The following SH3D19 variants were observed in gnomAD, a reference collection of about 807,000 sequenced individuals.
SH3D19 encodes the protein SH3 domain containing 19, also known as SH3 domain-containing protein 19.
A neutral mutation model predicts 112.1 loss-of-function variants in SH3D19; 58 were observed. The ratio of observed to expected loss-of-function variants is 0.52; its 90% CI spans 0.42 to 0.64. The LOEUF (loss-of-function observed/expected upper bound fraction) is 0.64, where lower values mean the gene tolerates loss of function less well. Ranked by LOEUF, SH3D19 falls within the 30% of genes least tolerant of loss-of-function variation. The pLI, the probability that SH3D19 is intolerant of heterozygous loss-of-function variation, is 0.00. For missense variants in SH3D19, 1,090 were observed against 1,263.4 expected, an observed-to-expected ratio of 0.86 and a Z score of 2.08; for synonymous variants, 391 against 448.5, an observed-to-expected ratio of 0.87 and a Z score of 1.62.
intron 1 of SH3D19, among the ~76,000 whole-genome samples, chr4:151,275,248 G>A (rs1016001766): frequency 3.3e-5 from 5 of 151,680 alleles, no homozygotes; most frequent in South Asian, 2.1e-4. Context: ...CACTACACCC[G>A]GCTAATTTTT....
chr4:151,206,449 C>T (rs927914120), intron 2 of SH3D19, among the ~76,000 whole-genome samples: 4 of 152,140 alleles, frequency 2.6e-5, no homozygotes, highest in Non-Finnish European at 4.4e-5. Flanking sequence ...CTTCATACAA[C>T]ATATTATATG....
chr4:151,161,619 CATATAT>C (rs1002579947), intron 8 of SH3D19, among the ~76,000 whole-genome samples: 2 of 144,448 alleles, frequency 1.4e-5, no homozygotes, highest in South Asian at 4.4e-4. Flanking sequence ...GTCTTTTATA[CATATAT>C]ATATATATAT....
At chr4:151,200,749 T>G (rs1764275365) in intron 2 of SH3D19, among the ~76,000 whole-genome samples, 1 of 152,224 alleles carries the variant, frequency 6.6e-6, no homozygotes, top group African/African-American at 2.4e-5. Flanking sequence ...TGAGGAAACA[T>G]TCTTCCAGTT....
chr4:151,265,636 G>T (rs1402195162), intron 1 of SH3D19, among the ~76,000 whole-genome samples: 1 of 143,726 alleles, frequency 7.0e-6, no homozygotes, highest in African/African-American at 2.6e-5. Context: ...GAGTATAGTG[G>T]CACAATCTCA....
intron 1 of SH3D19, among the ~76,000 whole-genome samples, chr4:151,271,474 G>C (rs150480547): frequency 6.6e-6 from 1 of 152,282 alleles, no homozygotes; most frequent in East Asian, 1.9e-4. Context: ...GGGGACATTT[G>C]GCAATGTCTG....
intron 2 of SH3D19, among the ~76,000 whole-genome samples, chr4:151,220,045 G>C (rs550266373): frequency 1.3e-5 from 2 of 152,090 alleles, no homozygotes; most frequent in South Asian, 4.1e-4. Flanking sequence ...TCATTGATCC[G>C]TAATGCTGCC....
chr4:151,128,118 AGG>A, intron 18 of SH3D19, 50 bp downstream of exon 18: 1 of 1,452,572 alleles, frequency 6.9e-7, no homozygotes, highest in Admixed American at 2.3e-5. Context: ...ATAGTTTTGA[AGG>A]TTTCAGGCTC....
At position 151,148,075 on chromosome 4, in the gene SH3D19, A is replaced by G. The variant is rs746461576; in HGVS notation, c.1929T>C (p.Pro643=). ...CCATGTCAGAAGAGGATCGATTAAA[A>G]GGCAGTTTCTTATTAGATCTTCTGG... ...SATRRSNKKL[P]FNRSSSDMDL... is the part of the protein sequence containing the mutation. Residue 643 remains proline, a synonymous_variant, in exon 11 of 20, where the codon CCT becomes CCC. Transcript: ENST00000604030. 52 of 1,614,040 alleles carry G rather than the reference A, an allele frequency of 3.2e-5. No homozygotes were observed. The highest frequency in any genetic ancestry group is 4.3e-5 in the Non-Finnish European group (51 of 1,180,046).
intron 1 of SH3D19, among the ~76,000 whole-genome samples, chr4:151,268,076 G>A (rs761970664): frequency 1.3e-4 from 20 of 152,154 alleles, no homozygotes; most frequent in South Asian, 6.2e-4. Flanking sequence ...TGTGAACATC[G>A]TAGAGTGAAA....
intron 1 of SH3D19, among the ~76,000 whole-genome samples, chr4:151,324,276 A>G (rs533433620): frequency 6.6e-6 from 1 of 152,074 alleles, no homozygotes; most frequent in South Asian, 2.1e-4. Flanking sequence ...TATTTTTCCA[A>G]CTTTCTCTTA....
rs182352010 is a variant in SH3D19 at position 151,190,421 on chromosome 4, G to A, written c.153-2958C>T. Among the ~76,000 whole-genome samples the A allele has an allele frequency of 6.6e-5, 10 of 152,228 alleles. No homozygotes were observed. The East Asian group carries it at 7.7e-4, about 12-fold the overall frequency. ...AGGGCATGTCACAGGTCTTCTTGGCGGCTCCTCCCATCACAGGCCCTGAGA... is the reference window on the plus strand; with the variant it reads ...AGGGCATGTCACAGGTCTTCTTGGCAGCTCCTCCCATCACAGGCCCTGAGA... On this transcript the variant is annotated intron_variant, in intron 2 of 19. Coordinates refer to ENST00000604030, the MANE Select transcript of SH3D19 (RefSeq NM_001378122.1).
intron 1 of SH3D19, among the ~76,000 whole-genome samples, chr4:151,270,532 A>G (rs1035858273): frequency 6.6e-6 from 1 of 152,214 alleles, no homozygotes; most frequent in African/African-American, 2.4e-5. Flanking sequence ...ACTCAGTCTC[A>G]GGTATTTCTT....
intron 1 of SH3D19, among the ~76,000 whole-genome samples, chr4:151,264,912 C>T (rs1172992714): frequency 6.6e-6 from 1 of 151,914 alleles, no homozygotes; most frequent in Non-Finnish European, 1.5e-5. Context: ...CTCTACATTA[C>T]TTGATGAATA....
intron 1 of SH3D19, among the ~76,000 whole-genome samples, chr4:151,236,542 T>C (rs959154948): frequency 1.3e-5 from 2 of 151,886 alleles, no homozygotes; most frequent in African/African-American, 4.8e-5. Flanking sequence ...TAAAGGATTG[T>C]AAACGCACCA....
At position 151,133,144 on chromosome 4, in the gene SH3D19, T is replaced by C. The variant is rs1751089485; in HGVS notation, c.2579A>G (p.Tyr860Cys). 1 of 1,614,180 alleles carries C rather than the reference T, an allele frequency of 6.2e-7. No individual in the cohort carries two copies. Among genetic ancestry groups the C allele is most frequent in the Non-Finnish European group, 8.5e-7 (1 of 1,180,010 alleles). ...SEGEIIILKE[Y>C]VNEEWARGEV... is the part of the protein sequence containing the mutation. ...TCCTCTGGCCCATTCCTCATTCACA[T>C]ACTCTTTAAGAATAATAATTTCTCC... Residue 860 changes from tyrosine to cysteine, a missense_variant, in exon 16 of 20, where the codon TAT (tyrosine) becomes TGT (cysteine). Tyr to Cys is a radical substitution (Grantham distance 194). Coordinates refer to ENST00000604030, the MANE Select transcript of SH3D19 (RefSeq NM_001378122.1).
chr4:151,123,846 T>C (rs149422258), intron 19 of SH3D19, among the ~76,000 whole-genome samples: 277 of 152,290 alleles, frequency 1.8e-3, no homozygotes, highest in African/African-American at 6.2e-3. Context: ...ATGAATTTAT[T>C]TGTAGCCCTA....
chr4:151,273,263 T>C (rs541414986), intron 1 of SH3D19, among the ~76,000 whole-genome samples: 18 of 152,164 alleles, frequency 1.2e-4, no homozygotes, highest in African/African-American at 4.1e-4. Flanking sequence ...ATAAAGGGTA[T>C]AAGCCAGTAC....
At chr4:151,314,507 AC>A (rs1389462137) in intron 1 of SH3D19, among the ~76,000 whole-genome samples, 1 of 152,186 alleles carries the variant, frequency 6.6e-6, no homozygotes, top group Non-Finnish European at 1.5e-5. Flanking sequence ...AACCTAACTA[AC>A]ATGTCCAAGG....
chr4:151,135,187 T>A (rs1425329682), intron 14 of SH3D19, 55 bp from the exon 15 acceptor site: 1 of 1,432,250 alleles, frequency 7.0e-7, no homozygotes, highest in African/African-American at 1.4e-5. Flanking sequence ...TTTCATAAGA[T>A]AAATTTAAGG....
Sources: gnomAD v4.1 joint callset for allele counts (sites outside exome capture counted in the v4.1 genomes callset) on GRCh38, gnomAD v4.1.1 for gene constraint, MANE v1.5 for transcripts, NCBI Gene and HGNC (gene_info 2026-07-23, HGNC 2026-07-21) for gene names.